Variants in SLC26A8 observed in about 807,000 individuals in gnomAD.
SLC26A8 encodes solute carrier family 26 member 8, also known as testis anion transporter 1.
In SLC26A8, 70 loss-of-function variants were observed where a neutral mutation model predicts 105.0. The observed-to-expected ratio is 0.67, with a 90% CI of 0.55 to 0.81. The LOEUF is 0.81. SLC26A8 is among the 40% of genes least tolerant of loss of function. The pLI is 0.00. For missense variants in SLC26A8, 998 were observed against 1,181.8 expected (o/e 0.84, Z 2.28); for synonymous variants, 415 against 438.3 (o/e 0.95, Z 0.66).
chr6:35,971,637 T>C (rs1772799987), intron 10 of SLC26A8, among the ~76,000 whole-genome samples: 2 of 152,194 alleles, frequency 1.3e-5, no homozygotes, highest in Non-Finnish European at 2.9e-5. Flanking sequence ...AGATGAAGAC[T>C]AGAACCTCAG....
Position 35,991,762 on chromosome 6 carries a change from C to T in SLC26A8, c.839G>A (p.Ser280Asn), listed in dbSNP as rs1367218531. The T allele has an allele frequency of 6.2e-6, 10 of 1,603,496 alleles. No homozygotes were observed. In the Admixed American group the frequency reaches 1.0e-4, roughly 17 times the overall value. ...CVALPKANSTSILVFLTVVVA... is the reference protein window; with the variant it reads ...CVALPKANSTNILVFLTVVVA... ...AACAACAGTTAGAAATACTAGAATG[C>T]TGGTGGAATTCGCTTTTGGGAGAGC... Residue 280 changes from serine to asparagine, a missense_variant, in exon 7 of 20, where the codon AGC (serine) becomes AAC (asparagine). Ser to Asn is a conservative substitution (Grantham distance 46, BLOSUM62 1). Coordinates refer to ENST00000490799, the MANE Select transcript of SLC26A8 (RefSeq NM_052961.4).
Position 35,960,981 on chromosome 6 carries a change from G to C in SLC26A8, c.1568+12C>G. 6.2e-7 allele frequency: 1 copy of C among 1,613,918 alleles called. No homozygotes were observed. Among genetic ancestry groups the C allele is most frequent in the Non-Finnish European group, 8.5e-7 (1 of 1,179,820 alleles). Reference sequence around the variant, plus strand: ...TTGCCTTGTTAACCTCCTATTACCTGAGACAAAGTACCTGTGTGAACGAAC... The same window carrying C: ...TTGCCTTGTTAACCTCCTATTACCTCAGACAAAGTACCTGTGTGAACGAAC... On this transcript the variant is annotated intron_variant, in intron 13 of 19. Coordinates refer to ENST00000490799, the MANE Select transcript of SLC26A8 (RefSeq NM_052961.4).
chr6:35,995,641 C>T (rs9348985), intron 5 of SLC26A8, among the ~76,000 whole-genome samples: 6 of 151,086 alleles, frequency 4.0e-5, no homozygotes, highest in African/African-American at 1.5e-4. Flanking sequence ...TAGTAGTGTG[C>T]TACAGGCGTG....
chr6:35,955,258 A>G lies in SLC26A8; in HGVS notation c.2126T>C (p.Leu709Pro). The G allele has an allele frequency of 6.2e-7, 1 of 1,614,158 alleles. No individual in the cohort carries two copies. Among genetic ancestry groups the G allele is most frequent in the Non-Finnish European group, 8.5e-7 (1 of 1,180,030 alleles). ...TAGAGACGCATCTGAGTAAGGGATG[A>G]GTGATCTCCTCCCCTGGCTTTCCGC... is the stretch of plus-strand genomic sequence containing the variant. ...DVAESQGRRS[L>P]IPYSDASLLP... The change falls in exon 17 of 20, where the codon CTC becomes CCC. Residue 709 changes from leucine to proline, a missense_variant. Transcript: ENST00000490799.
At chr6:35,951,578 T>G in intron 17 of SLC26A8, 79 bp from the exon 18 acceptor site, 1 of 1,516,190 alleles carries the variant, frequency 6.6e-7, no homozygotes, top group Non-Finnish European at 9.1e-7. Flanking sequence ...AGTTTTTGTC[T>G]TGTTTTGTTT....
intron 19 of SLC26A8, among the ~76,000 whole-genome samples, chr6:35,949,501 G>A (rs892124800): frequency 2.0e-5 from 3 of 151,722 alleles, no homozygotes; most frequent in Admixed American, 6.6e-5. Context: ...ACATTAAAGA[G>A]TATAACATAT....
chr6:35,973,823 C>T (rs1772892492), intron 10 of SLC26A8, among the ~76,000 whole-genome samples: 1 of 152,194 alleles, frequency 6.6e-6, no homozygotes, highest in Non-Finnish European at 1.5e-5. Context: ...CTGACCATGG[C>T]TACACCTTTT....
chr6:35,974,515 A>G (rs1333981505), intron 10 of SLC26A8, among the ~76,000 whole-genome samples: 1 of 152,176 alleles, frequency 6.6e-6, no homozygotes, highest in Non-Finnish European at 1.5e-5. Context: ...CTCTTATACA[A>G]AAGTAGAACA....
intron 2 of SLC26A8, 47 bp from the exon 3 acceptor site, chr6:36,012,419 T>C (rs1481883098): frequency 6.5e-7 from 1 of 1,532,820 alleles, no homozygotes; most frequent in Non-Finnish European, 8.7e-7. Flanking sequence ...CCAAAGAAAA[T>C]GCCCGCATAG....
chr6:35,987,812 A>G (rs1460931222), intron 7 of SLC26A8, among the ~76,000 whole-genome samples: 1 of 152,132 alleles, frequency 6.6e-6, no homozygotes, highest in Non-Finnish European at 1.5e-5. Context: ...TGCAGGGGAC[A>G]CATGATTATT....
At chr6:35,978,150 A>G (rs2127325679) in intron 8 of SLC26A8, among the ~76,000 whole-genome samples, 1 of 151,436 alleles carries the variant, frequency 6.6e-6, no homozygotes, top group Middle Eastern at 3.4e-3. Context: ...CAAGAAGAAA[A>G]AAAAAAAAAA....
intron 19 of SLC26A8, among the ~76,000 whole-genome samples, chr6:35,947,228 G>C (rs1404745900): frequency 6.6e-6 from 1 of 151,050 alleles, no homozygotes; most frequent in East Asian, 2.0e-4. Flanking sequence ...ACAGGGTTTT[G>C]TCATGTTGGC....
chr6:36,016,758 A>G (rs1336940036), intron 2 of SLC26A8, among the ~76,000 whole-genome samples: 1 of 152,264 alleles, frequency 6.6e-6, no homozygotes, highest in African/African-American at 2.4e-5. Flanking sequence ...ATCTACATGT[A>G]AAAGAATAAA....
chr6:36,014,624 G>A lies in SLC26A8; in HGVS notation c.189-2252C>T, dbSNP rs567289267. The stretch of plus-strand genomic sequence containing the variant: ...TGGCCAGGTGCGGTGGCTCATGCCT[G>A]TAATCCCAGCACTTTGGGAGGCCAA... On this transcript the variant is annotated intron_variant, in intron 2 of 19. Coordinates refer to ENST00000490799, the MANE Select transcript of SLC26A8 (RefSeq NM_052961.4). Among the ~76,000 whole-genome samples the A allele has an allele frequency of 2.0e-5, 3 of 152,326 alleles. No individual in the cohort carries two copies. In the South Asian group the frequency reaches 6.2e-4, roughly 32 times the overall value.
chr6:35,944,384 CCTT>C (rs769855521), intron 19 of SLC26A8, 44 bp from the exon 20 acceptor site: 30 of 1,422,184 alleles, frequency 2.1e-5, no homozygotes, highest in Non-Finnish European at 2.7e-5. Flanking sequence ...TTAAATTTAA[CCTT>C]CTGCTGAACG....
intron 19 of SLC26A8, among the ~76,000 whole-genome samples, chr6:35,948,333 A>T (rs1771745442): frequency 6.6e-6 from 1 of 152,234 alleles, no homozygotes; most frequent in Non-Finnish European, 1.5e-5. Flanking sequence ...TCACATCTGT[A>T]ATCCCAGCAT....
intron 9 of SLC26A8, among the ~76,000 whole-genome samples, chr6:35,976,530 T>C (rs1418620395): frequency 6.6e-6 from 1 of 150,924 alleles, no homozygotes; most frequent in Non-Finnish European, 1.5e-5. Flanking sequence ...AGGCCAACTG[T>C]ATGGTATTAG....
At chr6:36,002,019 C>T (rs1761537773) in intron 3 of SLC26A8, among the ~76,000 whole-genome samples, 1 of 152,188 alleles carries the variant, frequency 6.6e-6, no homozygotes. Flanking sequence ...TAAATCAGAA[C>T]CCAAATATGG....
chr6:35,944,503 C>G (rs1248243640), intron 19 of SLC26A8, among the ~76,000 whole-genome samples, 163 bp from the exon 20 acceptor site: 2 of 143,884 alleles, frequency 1.4e-5, no homozygotes, highest in African/African-American at 5.0e-5. Flanking sequence ...AAACTTCTAT[C>G]TTAACAAATA....
Sources: gnomAD v4.1 joint callset for allele counts (sites outside exome capture counted in the v4.1 genomes callset) on GRCh38, gnomAD v4.1.1 for gene constraint, MANE v1.5 for transcripts, NCBI Gene and HGNC (gene_info 2026-07-23, HGNC 2026-07-21) for gene names.